ABCC9: variants seen among roughly 807,000 people sequenced by gnomAD.
ABCC9 encodes ATP-binding cassette sub-family C member 9.
ABCC9 carries 95 observed loss-of-function variants against 188.3 expected under a neutral mutation model. The ratio of observed to expected loss-of-function variants is 0.50; its 90% CI spans 0.43 to 0.60. The LOEUF (loss-of-function observed/expected upper bound fraction) is 0.60. ABCC9 is among the 20% of genes least tolerant of loss of function. The pLI is 0.00. For missense variants in ABCC9, 1,102 were observed against 1,876.3 expected (o/e 0.59, Z 7.62); for synonymous variants, 659 against 652.7 (o/e 1.01, Z -0.15).
rs995400153 is a variant in ABCC9, at chr12:21,800,121, A to G, written c.*923T>C. Reference sequence around the variant, plus strand: ...TAAGATATCTCCAGCCTGCCAGTGGACTGTTTCATAGGAAATATCTCACAC... The same window carrying G: ...TAAGATATCTCCAGCCTGCCAGTGGGCTGTTTCATAGGAAATATCTCACAC... On this transcript the variant is annotated 3_prime_UTR_variant, in exon 40 of 40. Coordinates refer to ENST00000261200, the MANE Select transcript of ABCC9 (RefSeq NM_020297.4). 6.6e-6 allele frequency: 1 copy of G among 152,178 alleles called. No individual in the cohort carries two copies. Among genetic ancestry groups the G allele is most frequent in the Non-Finnish European group, 1.5e-5 (1 of 68,032 alleles). The allele number at this position is 152,178 out of a possible 1,614,324, so 9.4% of individuals were successfully genotyped here.
chr12:21,910,882 G>C lies in ABCC9; in HGVS notation c.1108C>G (p.Gln370Glu). The C allele has an allele frequency of 6.2e-7, 1 of 1,612,544 alleles. No homozygotes were observed. Among genetic ancestry groups the C allele is most frequent in the Non-Finnish European group, 8.5e-7 (1 of 1,178,854 alleles). The stretch of plus-strand genomic sequence containing the variant: ...TCTATGGTTACATAGTAGGAAGCCT[G>C]CAAAAATGTCCTTTGCAGAATAAGA... ...LALILQRTFL[Q>E]ASYYVTIETG... The change falls in exon 9 of 40, where the codon CAG becomes GAG. Residue 370 changes from glutamine to glutamate, a missense_variant. By Grantham distance (29) the Gln-to-Glu change is conservative. Coordinates refer to ENST00000261200, the MANE Select transcript of ABCC9 (RefSeq NM_020297.4).
intron 33 of ABCC9, among the ~76,000 whole-genome samples, chr12:21,816,457 G>A (rs1942653905): frequency 6.6e-6 from 1 of 152,104 alleles, no homozygotes; most frequent in African/African-American, 2.4e-5. Flanking sequence ...TGCTAACCTT[G>A]GAGGTCCAGG....
At chr12:21,830,952 C>CAATGAACAT (rs1228298293) in intron 30 of ABCC9, 1 of 149,264 alleles carries the variant, frequency 6.7e-6, no homozygotes, top group Non-Finnish European at 1.5e-5. Flanking sequence ...TTTACTGAAA[C>CAATGAACAT]AATGAACATG....
intron 20 of ABCC9, among the ~76,000 whole-genome samples, chr12:21,862,387 C>T (rs1945562899): frequency 6.6e-6 from 1 of 152,064 alleles, no homozygotes; most frequent in Admixed American, 6.6e-5. Flanking sequence ...CTCCTCCCTC[C>T]CCCTTCCTCT....
chr12:21,809,408 T>G (rs1942075235), intron 37 of ABCC9, among the ~76,000 whole-genome samples: 1 of 152,188 alleles, frequency 6.6e-6, no homozygotes, highest in Non-Finnish European at 1.5e-5. Context: ...TTTTCCCTCC[T>G]GGCAGCAGAG....
chr12:21,923,913 T>C (rs1409840566), intron 5 of ABCC9: 5 of 671,558 alleles, frequency 7.4e-6, no homozygotes, highest in Non-Finnish European at 1.3e-5. Flanking sequence ...GATATAGTTA[T>C]ACAATGAAAT....
intron 30 of ABCC9, among the ~76,000 whole-genome samples, chr12:21,834,259 A>C (rs1443745612): frequency 2.6e-5 from 4 of 152,206 alleles, no homozygotes; most frequent in Non-Finnish European, 4.4e-5. Flanking sequence ...CCTATTACTT[A>C]GATGGCTTAT....
chr12:21,879,930 G>A (rs1035382221), intron 16 of ABCC9, among the ~76,000 whole-genome samples: 1 of 151,940 alleles, frequency 6.6e-6, no homozygotes, highest in Middle Eastern at 3.4e-3. Context: ...CATTACAGCG[G>A]AGTACTGAAC....
chr12:21,888,423 G>A (rs983865796), intron 14 of ABCC9, among the ~76,000 whole-genome samples: 2 of 152,070 alleles, frequency 1.3e-5, no homozygotes, highest in African/African-American at 4.8e-5. Flanking sequence ...TGGCCACTGT[G>A]TATCTTGCTT....
At position 21,845,741 on chromosome 12, in the gene ABCC9, C is replaced by G; in HGVS notation, c.2958G>C (p.Leu986=). ...KMPWKTCWRY[L]TSGGFFLLIL... ...TGAGCAGGAAGAATCCTCCAGATGT[C>G]AGGTAGCGCCAGCAGGTTTTCCATG... Residue 986 remains leucine, a synonymous_variant, in exon 26 of 40, where the codon CTG becomes CTC. Coordinates refer to ENST00000261200, the MANE Select transcript of ABCC9 (RefSeq NM_020297.4). 1 of 1,613,878 alleles carries G rather than the reference C, an allele frequency of 6.2e-7. No individual in the cohort carries two copies. Among genetic ancestry groups the G allele is most frequent in the Non-Finnish European group, 8.5e-7 (1 of 1,179,834 alleles).
At chr12:21,847,345 A>C (rs1944728020) in intron 25 of ABCC9, among the ~76,000 whole-genome samples, 1 of 152,200 alleles carries the variant, frequency 6.6e-6, no homozygotes, top group South Asian at 2.1e-4. Context: ...ATAGAAATTG[A>C]AAGTAAAATG....
chr12:21,911,125 G>A (rs1948304893), intron 8 of ABCC9, 147 bp from the exon 9 acceptor site: 4 of 722,122 alleles, frequency 5.5e-6, no homozygotes, highest in Non-Finnish European at 6.7e-6. Flanking sequence ...ATACAAACCA[G>A]GTAAATCCAT....
intron 12 of ABCC9, among the ~76,000 whole-genome samples, chr12:21,895,956 T>G (rs1340072401): frequency 6.6e-6 from 1 of 152,168 alleles, no homozygotes; most frequent in Admixed American, 6.5e-5. Flanking sequence ...AAAAGCCAAG[T>G]TGTTGATTTA....
chr12:21,821,588 G>A (rs1943041658), intron 31 of ABCC9, among the ~76,000 whole-genome samples: 1 of 151,934 alleles, frequency 6.6e-6, no homozygotes, highest in African/African-American at 2.4e-5. Context: ...GGAGTAATAT[G>A]AATATAAATA....
chr12:21,923,336 A>G (rs1948912948), intron 5 of ABCC9: 1 of 150,848 alleles, frequency 6.6e-6, no homozygotes, highest in African/African-American at 2.4e-5. Flanking sequence ...AGACCCTATT[A>G]AATAAATGAA....
intron 25 of ABCC9, among the ~76,000 whole-genome samples, 174 bp from the exon 26 acceptor site, chr12:21,846,006 A>AAAAT (rs1368089161): frequency 1.3e-5 from 2 of 152,208 alleles, no homozygotes; most frequent in African/African-American, 4.8e-5. Flanking sequence ...AAATAGGTGA[A>AAAAT]AAATGAATGA....
intron 2 of ABCC9, among the ~76,000 whole-genome samples, chr12:21,939,544 C>A (rs1949616812): frequency 1.3e-5 from 2 of 152,190 alleles, no homozygotes; most frequent in Admixed American, 6.5e-5. Context: ...GTATAAATCG[C>A]TGTTCTTGCT....
At chr12:21,810,069 G>A (rs973643167) in intron 36 of ABCC9, 114 bp from the exon 37 acceptor site, 14 of 722,572 alleles carry the variant, frequency 1.9e-5, no homozygotes, top group Non-Finnish European at 3.4e-5. Flanking sequence ...TTTGGTTACT[G>A]CTGTATATTC....
intron 28 of ABCC9, among the ~76,000 whole-genome samples, chr12:21,844,151 A>G (rs1185374661): frequency 1.3e-5 from 2 of 152,206 alleles, no homozygotes. Context: ...CATGAATACT[A>G]AACTTTTAAG....
Sources: allele counts gnomAD v4.1 joint callset (sites outside exome capture counted in the v4.1 genomes callset), GRCh38; gene constraint gnomAD v4.1.1; transcripts MANE v1.5; gene names NCBI Gene and HGNC (gene_info 2026-07-23, HGNC 2026-07-21).